The following MYOM2 variants were observed in gnomAD, a reference collection of about 807,000 sequenced individuals.
MYOM2 encodes the protein myomesin 2, also known as myomesin-2.
A neutral mutation model predicts 187.6 loss-of-function variants in MYOM2; 254 were observed. That is an observed-to-expected ratio of 1.35 (90% confidence interval 1.22 to 1.50). MYOM2 has a LOEUF of 1.50. Among genes scored for constraint, MYOM2 ranks in the 40% most tolerant of loss-of-function variants. The pLI, the probability that MYOM2 is intolerant of heterozygous loss-of-function variation, is 0.00. For missense variants in MYOM2, 2,796 were observed against 1,924.0 expected, an observed-to-expected ratio of 1.45 and a Z score of -8.48; for synonymous variants, 981 against 753.8, an observed-to-expected ratio of 1.30 and a Z score of -4.94.
intron 6 of MYOM2, among the ~76,000 whole-genome samples, chr8:2,059,732 G>A (rs1464955885): frequency 6.9e-6 from 1 of 144,742 alleles, no homozygotes; most frequent in African/African-American, 2.5e-5. Context: ...TTCCTCACGC[G>A]ACACACACAC....
At chr8:2,122,996 G>A (rs1219143525) in intron 28 of MYOM2, among the ~76,000 whole-genome samples, 1 of 152,040 alleles carries the variant, frequency 6.6e-6, no homozygotes, top group East Asian at 1.9e-4. Context: ...CTAATTTCAT[G>A]GACTAGAATG....
At chr8:2,117,113 G>C (rs1185239183) in intron 27 of MYOM2, among the ~76,000 whole-genome samples, 1 of 152,078 alleles carries the variant, frequency 6.6e-6, no homozygotes, top group East Asian at 1.9e-4. Flanking sequence ...AGAAAAATTA[G>C]AATGTGAATT....
At chr8:2,098,343 C>A (rs3779844) in intron 18 of MYOM2, among the ~76,000 whole-genome samples, 2 of 151,960 alleles carry the variant, frequency 1.3e-5, no homozygotes, top group Admixed American at 1.3e-4. Flanking sequence ...GTGGGTGGCC[C>A]CAGACTGCAG....
At position 2,086,341 on chromosome 8, in the gene MYOM2, T is replaced by TCG. The variant is rs1796048695; in HGVS notation, c.1644+951_1644+952insCG. ...GTGATCTCTGCGTGGCCCCCCACTG[T>TCG]TGTGATCTCTGCGTGGCCTCCCACT... On this transcript the variant is annotated intron_variant, in intron 14 of 36. Coordinates refer to ENST00000262113, the MANE Select transcript of MYOM2 (RefSeq NM_003970.4). 9.5e-5 allele frequency among the ~76,000 whole-genome samples: 10 copies of TCG among 104,818 alleles called. 3 individuals carry two copies. The highest frequency in any genetic ancestry group is 1.6e-4 in the Non-Finnish European group (8 of 49,416). The allele number at this position is 104,818 out of a possible 152,430, so 68.8% of individuals were successfully genotyped here. A position where few individuals can be genotyped will look rare whatever the true frequency, so the allele number is the denominator to read the frequency against.
chr8:2,076,131 C>G lies in MYOM2; in HGVS notation c.1121-10C>G, dbSNP rs1419849416. 1 of 1,609,380 alleles carries G rather than the reference C, an allele frequency of 6.2e-7. No individual in the cohort carries two copies. Among genetic ancestry groups the G allele is most frequent in the South Asian group, 1.1e-5 (1 of 90,248 alleles). On this transcript the variant is annotated splice_polypyrimidine_tract_variant and intron_variant, in intron 10 of 36. Coordinates refer to ENST00000262113, the MANE Select transcript of MYOM2 (RefSeq NM_003970.4). ...TGACAGGCGTGTGCCTTTTCTCTCC[C>G]TGCCCCAAGATGCTGACCCGCTGGT... is the stretch of plus-strand genomic sequence containing the variant.
At chr8:2,128,593 A>G (rs1379282779) in intron 31 of MYOM2, among the ~76,000 whole-genome samples, 1 of 152,056 alleles carries the variant, frequency 6.6e-6, no homozygotes, top group Admixed American at 6.5e-5. Context: ...TTCCAAGTAC[A>G]CTGTGTGTGT....
In MYOM2 at chr8:2,144,655, C is replaced by T. The variant is rs779362163; in HGVS notation, c.4081-9C>T. The T allele has an allele frequency of 2.5e-5, 40 of 1,611,948 alleles. No individual in the cohort carries two copies. The highest frequency in any genetic ancestry group is 1.6e-4 in the Middle Eastern group (1 of 6,068). On this transcript the variant is annotated splice_polypyrimidine_tract_variant and intron_variant, in intron 36 of 36. Transcript: ENST00000262113. ...CTCTTCCTTCTCCACCAACCTCTTC[C>T]GTCCAAAGACCTTGAATCTGACCTG...
In MYOM2 at chr8:2,106,597, G is replaced by T. The variant is rs1293068780; in HGVS notation, c.2998G>T (p.Glu1000Ter). The change falls in exon 23 of 37, where the codon GAG becomes TAG. Residue 1000 changes from glutamate (E) to a stop codon, truncating the protein, a stop_gained and splice_region_variant. Transcript: ENST00000262113. LOFTEE classifies it high-confidence loss of function. ...VSSSFVLDPE[E>*]LERLMALSNE... ...CTCCAGTTTTGTTCTGGACCCAGAA[G>T]GTAATATTTATATGGCAGAACCTTG... The T allele has an allele frequency of 3.1e-6, 5 of 1,594,240 alleles. No homozygotes were observed. Among genetic ancestry groups the T allele is most frequent in the Non-Finnish European group, 4.3e-6 (5 of 1,164,500 alleles).
chr8:2,062,295 C>T (rs1030511575), intron 6 of MYOM2, among the ~76,000 whole-genome samples: 1 of 152,218 alleles, frequency 6.6e-6, no homozygotes, highest in Non-Finnish European at 1.5e-5. Context: ...TAACATTGAC[C>T]TCTAGAGGAT....
chr8:2,104,238 C>T (rs1185330307), intron 21 of MYOM2, among the ~76,000 whole-genome samples: 1 of 152,186 alleles, frequency 6.6e-6, no homozygotes, highest in African/African-American at 2.4e-5. Context: ...AGGCAGGACA[C>T]ACACTCATAG....
intron 2 of MYOM2, among the ~76,000 whole-genome samples, chr8:2,051,298 A>T (rs1473821801): frequency 6.6e-6 from 1 of 152,216 alleles, no homozygotes; most frequent in African/African-American, 2.4e-5. Context: ...ATTTGGCTAC[A>T]TCGATCATGG....
rs769388326 is a variant in MYOM2 at position 2,123,243 on chromosome 8, A to G, written c.3454-9A>G. 2 of 1,584,574 alleles carry G rather than the reference A, an allele frequency of 1.3e-6. No homozygotes were observed. The highest frequency in any genetic ancestry group is 1.7e-5 in the Admixed American group (1 of 58,558). Reference sequence around the variant, plus strand: ...TTTACACACTAAACTTAAGCTTTCTACCTCACAGGTTGCAAACACCAAGAA... The same window carrying G: ...TTTACACACTAAACTTAAGCTTTCTGCCTCACAGGTTGCAAACACCAAGAA... On this transcript the variant is annotated splice_polypyrimidine_tract_variant and intron_variant, in intron 28 of 36. Coordinates refer to ENST00000262113, the MANE Select transcript of MYOM2 (RefSeq NM_003970.4).
At chr8:2,115,904 G>A (rs1797223755) in intron 25 of MYOM2, 56 bp from the exon 26 acceptor site, 2 of 1,570,216 alleles carry the variant, frequency 1.3e-6, no homozygotes, top group African/African-American at 2.7e-5. Flanking sequence ...TGTTGCAAGG[G>A]AAAACTAGGA....
At chr8:2,133,280 C>T (rs1325996295) in intron 32 of MYOM2, among the ~76,000 whole-genome samples, 1 of 152,198 alleles carries the variant, frequency 6.6e-6, no homozygotes, top group African/African-American at 2.4e-5. Context: ...TATTTCCTAG[C>T]TTTTGGGAAT....
At chr8:2,060,941 TG>T (rs1191256633) in intron 6 of MYOM2, among the ~76,000 whole-genome samples, 3 of 150,322 alleles carry the variant, frequency 2.0e-5, no homozygotes, top group South Asian at 2.1e-4. Context: ...GTAGGGCGGA[TG>T]GGAAATTACT....
At chr8:2,088,154 C>G (rs1404104242) in intron 14 of MYOM2, among the ~76,000 whole-genome samples, 1 of 152,114 alleles carries the variant, frequency 6.6e-6, no homozygotes, top group Non-Finnish European at 1.5e-5. Flanking sequence ...ATCCATCACC[C>G]AAGCAGTATA....
At chr8:2,104,599 C>G (rs919475509) in intron 21 of MYOM2, among the ~76,000 whole-genome samples, 2 of 149,616 alleles carry the variant, frequency 1.3e-5, no homozygotes, top group Admixed American at 1.3e-4. Flanking sequence ...AGCAAGACTC[C>G]ATTTAAAAAA....
At chr8:2,084,534 C>CTCCA (rs1229067336) in intron 13 of MYOM2, among the ~76,000 whole-genome samples, 1 of 152,084 alleles carries the variant, frequency 6.6e-6, no homozygotes, top group Non-Finnish European at 1.5e-5. Context: ...CTGGAAAAAC[C>CTCCA]TCCACCTCCA....
At chr8:2,080,520 A>T (rs1210474291) in intron 13 of MYOM2, among the ~76,000 whole-genome samples, 1 of 152,220 alleles carries the variant, frequency 6.6e-6, no homozygotes, top group East Asian at 1.9e-4. Context: ...AAGCCAAGGG[A>T]ACCTTTAAGC....
Sources: allele counts gnomAD v4.1 joint callset (sites outside exome capture counted in the v4.1 genomes callset), GRCh38; gene constraint gnomAD v4.1.1; transcripts MANE v1.5; gene names NCBI Gene and HGNC (gene_info 2026-07-23, HGNC 2026-07-21).